SIPA1L3: variants seen among roughly 807,000 people sequenced by gnomAD.
SIPA1L3 encodes signal induced proliferation associated 1 like 3, also known as signal-induced proliferation-associated 1-like protein 3.
In SIPA1L3, 59 loss-of-function variants were observed where a neutral mutation model predicts 150.1. The observed-to-expected ratio is 0.39, with a 90% CI of 0.32 to 0.49. The LOEUF (loss-of-function observed/expected upper bound fraction) is 0.49, where lower values mean the gene tolerates loss of function less well. Ranked by LOEUF, SIPA1L3 falls within the 20% of genes least tolerant of loss-of-function variation. The pLI is 0.86. For synonymous variants in SIPA1L3, 1,070 were observed against 1,077.6 expected, an observed-to-expected ratio of 0.99 and a Z score of 0.14; for missense variants, 2,211 against 2,489.5, an observed-to-expected ratio of 0.89 and a Z score of 2.38.
At chr19:38,109,296 G>A (rs1970688438) in intron 7 of SIPA1L3, 1 of 152,200 alleles carries the variant, frequency 6.6e-6, no homozygotes, top group African/African-American at 2.4e-5. Flanking sequence ...TTGTGCAGGG[G>A]AACCACACTT....
chr19:38,097,341 C>G (rs1970402917), intron 4 of SIPA1L3, among the ~76,000 whole-genome samples: 1 of 151,962 alleles, frequency 6.6e-6, no homozygotes, highest in African/African-American at 2.4e-5. Context: ...AGAGTTAGAC[C>G]CTGTCTTCAA....
At chr19:38,101,357 A>G in intron 6 of SIPA1L3, 131 bp downstream of exon 6, 1 of 573,930 alleles carries the variant, frequency 1.7e-6, no homozygotes, top group Non-Finnish European at 2.9e-6. Context: ...CACTTGTAGG[A>G]GCACAAATAA....
rs1339015708 is a variant in SIPA1L3 at position 38,088,805 on chromosome 19, A to T, written c.1619A>T (p.Glu540Val). ...CGGGAGAAGCTGGAAGACCACAAGG[A>T]GCACGGACCTCAGTACCAGTACAGG... is the stretch of plus-strand genomic sequence containing the variant. ...IKREKLEDHKEHGPQYQYRII... is the reference protein window; with the variant it reads ...IKREKLEDHKVHGPQYQYRII... Residue 540 changes from glutamate (E) to valine (V), a missense_variant, in exon 4 of 22, where the codon GAG (glutamate) becomes GTG (valine). Glu to Val is a moderately radical substitution (Grantham distance 121). Coordinates refer to ENST00000222345, the MANE Select transcript of SIPA1L3 (RefSeq NM_015073.3). The T allele has an allele frequency of 6.2e-7, 1 of 1,614,012 alleles. No individual in the cohort carries two copies. Among genetic ancestry groups the T allele is most frequent in the Non-Finnish European group, 8.5e-7 (1 of 1,180,020 alleles).
At chr19:37,961,630 G>A (rs1011032108) in intron 1 of SIPA1L3, among the ~76,000 whole-genome samples, 1 of 152,068 alleles carries the variant, frequency 6.6e-6, no homozygotes, top group Non-Finnish European at 1.5e-5. Context: ...GAGTTTCTTG[G>A]CCTTCTTGGA....
intron 1 of SIPA1L3, among the ~76,000 whole-genome samples, chr19:37,925,849 C>T (rs2046499036): frequency 6.6e-6 from 1 of 152,140 alleles, no homozygotes. Flanking sequence ...TCCTTGGCCT[C>T]CCAAAGTGCT....
intron 7 of SIPA1L3, among the ~76,000 whole-genome samples, chr19:38,109,172 A>G (rs1281799628): frequency 2.0e-5 from 3 of 152,192 alleles, no homozygotes; most frequent in Admixed American, 6.5e-5. Flanking sequence ...TAGTTTATAA[A>G]GAAAAAGAGG....
At chr19:38,088,431 T>C (rs758070724) in intron 3 of SIPA1L3, among the ~76,000 whole-genome samples, 3 of 152,282 alleles carry the variant, frequency 2.0e-5, no homozygotes, top group Non-Finnish European at 4.4e-5. Context: ...CATTTTTGCC[T>C]TCACATCCAC....
intron 2 of SIPA1L3, among the ~76,000 whole-genome samples, chr19:38,039,234 C>G (rs1334074385): frequency 6.6e-6 from 1 of 152,060 alleles, no homozygotes; most frequent in African/African-American, 2.4e-5. Context: ...AAAAAGAAAT[C>G]AAAGGACCCA....
chr19:37,946,347 G>A (rs974180870), intron 1 of SIPA1L3, among the ~76,000 whole-genome samples: 2 of 151,924 alleles, frequency 1.3e-5, no homozygotes, highest in African/African-American at 4.8e-5. Flanking sequence ...TGCCCAGGCT[G>A]GTCTTGAACT....
intron 1 of SIPA1L3, among the ~76,000 whole-genome samples, chr19:37,962,286 G>T (rs1467543035): frequency 2.0e-5 from 3 of 151,790 alleles, no homozygotes; most frequent in Non-Finnish European, 4.4e-5. Context: ...TGGGATTGCA[G>T]GCCTGCGCCA....
At chr19:37,937,849 ATCCTGGCCTACATGGT>A (rs2046615661) in intron 1 of SIPA1L3, among the ~76,000 whole-genome samples, 1 of 150,864 alleles carries the variant, frequency 6.6e-6, no homozygotes, top group African/African-American at 2.4e-5. Context: ...GATTGAGACC[ATCCTGGCCTACATGGT>A]GAAACCCCAT....
At chr19:38,124,886 C>T in intron 9 of SIPA1L3, among the ~76,000 whole-genome samples, 1 of 152,170 alleles carries the variant, frequency 6.6e-6, no homozygotes, top group Non-Finnish European at 1.5e-5. Context: ...CCTGCAATCG[C>T]AGGCACTCCG....
At chr19:37,947,416 G>A (rs1157868871) in intron 1 of SIPA1L3, among the ~76,000 whole-genome samples, 1 of 151,292 alleles carries the variant, frequency 6.6e-6, no homozygotes, top group South Asian at 2.1e-4. Flanking sequence ...TTGAACCCAG[G>A]AGGCAGAGGT....
In SIPA1L3 at chr19:38,206,309, C is replaced by T. The variant is rs59902092; in HGVS notation, c.*69C>T. On this transcript the variant is annotated 3_prime_UTR_variant, in exon 22 of 22. Coordinates refer to ENST00000222345, the MANE Select transcript of SIPA1L3 (RefSeq NM_015073.3). Reference sequence around the variant, plus strand: ...TGGCCCTGCTGCCTCTCTCCCTCCACTCAGCTCCCAGCTGCCGGTGTGACC... The same window carrying T: ...TGGCCCTGCTGCCTCTCTCCCTCCATTCAGCTCCCAGCTGCCGGTGTGACC... 1 of 1,476,496 alleles carries T rather than the reference C, an allele frequency of 6.8e-7. No individual in the cohort carries two copies. The highest frequency in any genetic ancestry group is 9.1e-7 in the Non-Finnish European group (1 of 1,103,644). 91.5% of individuals were successfully genotyped at this position (1,476,496 alleles called of 1,614,324 possible).
Position 38,189,375 on chromosome 19 carries a change from C to T in SIPA1L3, c.4431-2770C>T, listed in dbSNP as rs1019103184. On this transcript the variant is annotated intron_variant, in intron 16 of 21. Transcript: ENST00000222345. ...CGCACTCCTGGGCTCAAGTGATCCT[C>T]CCACTTACGCCTCCCAAAGTGCTGG... Among the ~76,000 whole-genome samples, 5 of 152,210 alleles carry T rather than the reference C, an allele frequency of 3.3e-5. No homozygotes were observed. The East Asian group carries it at 9.7e-4, about 30-fold the overall frequency.
At chr19:38,161,354 A>AG (rs1459294768) in intron 13 of SIPA1L3, among the ~76,000 whole-genome samples, 5 of 151,378 alleles carry the variant, frequency 3.3e-5, no homozygotes, top group African/African-American at 1.2e-4. Context: ...AAAAAAAAAA[A>AG]AAAAAAACTA....
intron 1 of SIPA1L3, among the ~76,000 whole-genome samples, chr19:37,950,359 A>G (rs1226190578): frequency 6.6e-6 from 1 of 152,170 alleles, no homozygotes; most frequent in Non-Finnish European, 1.5e-5. Flanking sequence ...CTGAGGCCGG[A>G]TGGTGCTCTA....
chr19:38,053,608 G>A (rs1437026304), intron 2 of SIPA1L3, among the ~76,000 whole-genome samples: 1 of 152,070 alleles, frequency 6.6e-6, no homozygotes, highest in Non-Finnish European at 1.5e-5. Context: ...CCAGGCTGGA[G>A]TGTAGTGGTG....
chr19:38,005,277 T>C (rs1381993562), intron 1 of SIPA1L3, among the ~76,000 whole-genome samples: 1 of 152,102 alleles, frequency 6.6e-6, no homozygotes, highest in Non-Finnish European at 1.5e-5. Context: ...ATTGCAACTC[T>C]CTACAGGAAG....
Sources: gnomAD v4.1 joint callset for allele counts (sites outside exome capture counted in the v4.1 genomes callset) on GRCh38, gnomAD v4.1.1 for gene constraint, MANE v1.5 for transcripts, NCBI Gene and HGNC (gene_info 2026-07-23, HGNC 2026-07-21) for gene names.